ODAD2: variants seen among roughly 807,000 people sequenced by gnomAD.
ODAD2 encodes the protein outer dynein arm-docking complex subunit 2.
A neutral mutation model predicts 106.8 loss-of-function variants in ODAD2; 89 were observed. The ratio of observed to expected loss-of-function variants is 0.83; its 90% CI spans 0.70 to 0.99. The LOEUF (loss-of-function observed/expected upper bound fraction) is 0.99, where lower values mean the gene tolerates loss of function less well. Among genes scored for constraint, ODAD2 ranks in the 50% least tolerant of loss-of-function variants. ODAD2 has a pLI of 0.00. For missense variants in ODAD2, 1,168 were observed against 1,238.5 expected (o/e 0.94, Z 0.85); for synonymous variants, 404 against 436.2 (o/e 0.93, Z 0.92).
At chr10:27,856,584 A>T (rs1360868726) in intron 19 of ODAD2, among the ~76,000 whole-genome samples, 1 of 152,144 alleles carries the variant, frequency 6.6e-6, no homozygotes, top group East Asian at 1.9e-4. Context: ...TGAATTTCTG[A>T]ATCTCTCCAC....
chr10:27,981,543 TTC>T lies in ODAD2; in HGVS notation c.857_858del (p.Arg286LysfsTer6), dbSNP rs769346541. 28 of 1,541,024 alleles carry T rather than the reference TTC, an allele frequency of 1.8e-5. No homozygotes were observed. In the South Asian group the frequency reaches 3.6e-4, roughly 20 times the overall value. ...TDDEGDVNYE[R>X]KGSIYKNLVT... is the part of the protein sequence containing the mutation. ...ACAAGGTTTTTATAAATTGAACCTT[TTC>T]TCTCATAATTAACGTCCCCTTCATC... is the stretch of plus-strand genomic sequence containing the variant. On this transcript the variant is annotated frameshift_variant, in exon 7 of 20. Transcript: ENST00000305242. LOFTEE classifies it high-confidence loss of function.
intron 2 of ODAD2, among the ~76,000 whole-genome samples, chr10:27,992,188 G>A (rs574523864): frequency 1.3e-5 from 2 of 152,280 alleles, no homozygotes; most frequent in East Asian, 3.9e-4. Flanking sequence ...CGCCAGGCAA[G>A]CATGGTTTCC....
At chr10:27,831,915 C>A (rs112011675) in intron 19 of ODAD2, among the ~76,000 whole-genome samples, 2 of 152,224 alleles carry the variant, frequency 1.3e-5, no homozygotes, top group Non-Finnish European at 2.9e-5. Flanking sequence ...TCTGTGAGGG[C>A]ACCAGGACCT....
intron 3 of ODAD2, among the ~76,000 whole-genome samples, chr10:27,986,802 A>G (rs1849899788): frequency 6.6e-6 from 1 of 151,644 alleles, no homozygotes; most frequent in African/African-American, 2.4e-5. Context: ...TAGTGTGAAC[A>G]TCACATATTT....
Position 27,845,808 on chromosome 10 carries a change from T to G in ODAD2, c.3021+14817A>C, listed in dbSNP as rs191361802. ...TAAAACAGACTTTTAAACCAACAAA[T>G]ATCAAAAGAGACAAAGAAGGCCATT... is the stretch of plus-strand genomic sequence containing the variant. On this transcript the variant is annotated intron_variant, in intron 19 of 19. Transcript: ENST00000305242. 3.9e-5 allele frequency among the ~76,000 whole-genome samples: 6 copies of G among 152,088 alleles called. No homozygotes were observed. The South Asian group carries it at 8.3e-4, about 21-fold the overall frequency.
At chr10:27,955,696 G>GGC (rs1554819549) in intron 10 of ODAD2, among the ~76,000 whole-genome samples, 1 of 142,928 alleles carries the variant, frequency 7.0e-6, no homozygotes, top group African/African-American at 2.6e-5. Context: ...AACCAATTAA[G>GGC]GTGTGTGTGT....
chr10:27,970,689 C>T (rs1271601655), intron 8 of ODAD2, among the ~76,000 whole-genome samples: 3 of 152,102 alleles, frequency 2.0e-5, no homozygotes, highest in East Asian at 3.9e-4. Flanking sequence ...TCTGGCCAGA[C>T]GCAGTGACTC....
chr10:27,893,198 G>T (rs950253395), intron 17 of ODAD2, among the ~76,000 whole-genome samples: 1 of 151,820 alleles, frequency 6.6e-6, no homozygotes, highest in African/African-American at 2.4e-5. Context: ...AAAAGTAAAA[G>T]AAAAGAGAAA....
At chr10:27,955,314 C>G (rs1315522845) in intron 10 of ODAD2, among the ~76,000 whole-genome samples, 1 of 152,052 alleles carries the variant, frequency 6.6e-6, no homozygotes, top group Non-Finnish European at 1.5e-5. Flanking sequence ...TCCTTTATGG[C>G]AAGGGTTCCC....
chr10:27,894,506 GCTAAAATTTTT>G (rs1842743607), intron 17 of ODAD2, among the ~76,000 whole-genome samples: 1 of 151,846 alleles, frequency 6.6e-6, no homozygotes, highest in Non-Finnish European at 1.5e-5. Flanking sequence ...GGGGAGCTAT[GCTAAAATTTTT>G]ACCAAAGGGT....
At chr10:27,971,344 T>A (rs756567170) in intron 7 of ODAD2, 31 bp from the exon 8 acceptor site, 1 of 1,520,542 alleles carries the variant, frequency 6.6e-7, no homozygotes, top group South Asian at 1.3e-5. Flanking sequence ...TAATTTTTAA[T>A]GATATCTGAA....
At chr10:27,943,099 A>G (rs1846571722) in intron 12 of ODAD2, among the ~76,000 whole-genome samples, 1 of 152,230 alleles carries the variant, frequency 6.6e-6, no homozygotes, top group Non-Finnish European at 1.5e-5. Context: ...CAATACAGTA[A>G]GATAACAGCT....
intron 17 of ODAD2, among the ~76,000 whole-genome samples, chr10:27,887,073 A>G (rs1842270351): frequency 6.6e-6 from 1 of 152,014 alleles, no homozygotes; most frequent in Non-Finnish European, 1.5e-5. Context: ...ACATTGGCAA[A>G]ATGGATTTTA....
chr10:27,981,603 C>A, intron 6 of ODAD2, 21 bp from the exon 7 acceptor site: 1 of 1,452,092 alleles, frequency 6.9e-7, no homozygotes, highest in South Asian at 1.4e-5. Flanking sequence ...AAACAAGTTT[C>A]ATTCTATGAT....
At chr10:27,891,664 T>A (rs1842574304) in intron 17 of ODAD2, among the ~76,000 whole-genome samples, 1 of 138,950 alleles carries the variant, frequency 7.2e-6, no homozygotes, top group Admixed American at 6.8e-5. Flanking sequence ...GTTGAACATC[T>A]TTTTTTTCTT....
Position 27,944,221 on chromosome 10 carries a change from C to T in ODAD2, c.1743+1G>A. On this transcript the variant is annotated splice_donor_variant, in intron 12 of 19. Coordinates refer to ENST00000305242, the MANE Select transcript of ODAD2 (RefSeq NM_018076.5). LOFTEE classifies it high-confidence loss of function. ...ACGATGACAACATCACGGCTACTCA[C>T]CAGTTTGGTGATACCCCCGTGCTGC... is the stretch of plus-strand genomic sequence containing the variant. 1.2e-6 allele frequency: 2 copies of T among 1,610,748 alleles called. No individual in the cohort carries two copies. Among genetic ancestry groups the T allele is most frequent in the Non-Finnish European group, 1.7e-6 (2 of 1,179,130 alleles).
At chr10:27,985,267 C>T (rs1236862702) in intron 3 of ODAD2, 56 bp from the exon 4 acceptor site, 8 of 1,330,064 alleles carry the variant, frequency 6.0e-6, no homozygotes, top group African/African-American at 1.5e-5. Context: ...TCTTCTAGTA[C>T]AACAAACATT....
chr10:27,993,974 ATGTGTGTGTGTGTGTGTG>A (rs56017872), intron 2 of ODAD2, among the ~76,000 whole-genome samples: 4 of 140,544 alleles, frequency 2.8e-5, no homozygotes, highest in Non-Finnish European at 6.1e-5. Flanking sequence ...ATATATATAT[ATGTGTGTGTGTGTGTGTG>A]TGTGTGTGTG....
At chr10:27,881,982 A>T (rs1465867738) in intron 17 of ODAD2, among the ~76,000 whole-genome samples, 2 of 151,946 alleles carry the variant, frequency 1.3e-5, no homozygotes, top group African/African-American at 4.8e-5. Flanking sequence ...ACTCGACAAC[A>T]TGGTGAAACC....
Sources: allele counts gnomAD v4.1 joint callset (sites outside exome capture counted in the v4.1 genomes callset), GRCh38; gene constraint gnomAD v4.1.1; transcripts MANE v1.5; gene names NCBI Gene and HGNC (gene_info 2026-07-23, HGNC 2026-07-21).